TNK2: variants seen among roughly 807,000 people sequenced by gnomAD.
The protein encoded by TNK2 is activated CDC42 kinase 1.
A neutral mutation model predicts 101.8 loss-of-function variants in TNK2; 83 were observed. The observed-to-expected ratio is 0.82, with a 90% CI of 0.68 to 0.98. The LOEUF (loss-of-function observed/expected upper bound fraction) is 0.98, where lower values mean the gene tolerates loss of function less well. Ranked by LOEUF, TNK2 falls within the 50% of genes least tolerant of loss-of-function variation. The probability of loss-of-function intolerance (pLI) is 0.00; values close to 1 mark genes in which losing one functional copy is unlikely to be tolerated. For missense variants in TNK2, 1,665 were observed against 1,483.2 expected (o/e 1.12, Z -2.01); for synonymous variants, 804 against 633.0 (o/e 1.27, Z -4.06).
chr3:195,904,976 T>C (rs1021131875), intron 1 of TNK2, among the ~76,000 whole-genome samples: 1 of 152,186 alleles, frequency 6.6e-6, no homozygotes, highest in Non-Finnish European at 1.5e-5. Flanking sequence ...TTTGTAGAAA[T>C]TGACTAACTA....
Position 195,867,840 on chromosome 3 carries a change from G to A in TNK2, c.2458C>T (p.Pro820Ser). Residue 820 changes from proline to serine, a missense_variant, in exon 13 of 16, where the codon CCC becomes TCC. Pro to Ser is a moderately conservative substitution (Grantham distance 74, BLOSUM62 -1). Coordinates refer to ENST00000672887, the MANE Select transcript of TNK2 (RefSeq NM_001382273.1). The stretch of plus-strand genomic sequence containing the variant: ...TTCCCAGGTGAGCTTGAGAGCCGGG[G>A]TGGCAGCGGGGAGCTGCCAGGTGGT... ...LVPPGSSPLP[P>S]RLSSSPGKTM... is the part of the protein sequence containing the mutation. 2.6e-6 allele frequency: 4 copies of A among 1,536,472 alleles called. No homozygotes were observed. The highest frequency in any genetic ancestry group is 3.5e-6 in the Non-Finnish European group (4 of 1,146,192).
chr3:195,906,942 C>G (rs1348222234), intron 1 of TNK2, among the ~76,000 whole-genome samples: 1 of 152,082 alleles, frequency 6.6e-6, no homozygotes, highest in Non-Finnish European at 1.5e-5. Flanking sequence ...TCTTTACTCA[C>G]GACACTGCAG....
chr3:195,884,458 C>A (rs527399749), intron 4 of TNK2: 2 of 193,700 alleles, frequency 1.0e-5, no homozygotes, highest in Non-Finnish European at 2.1e-5. Flanking sequence ...GCCTGGCCAA[C>A]ATGGTGAAAC....
At chr3:195,892,036 TC>T in intron 1 of TNK2, 1 of 1,043,746 alleles carries the variant, frequency 9.6e-7, no homozygotes, top group African/African-American at 1.7e-5. Flanking sequence ...AGGGTCTCAG[TC>T]CAGGGTGACT....
intron 6 of TNK2, 143 bp from the exon 7 acceptor site, chr3:195,879,318 AG>A: frequency 7.7e-7 from 1 of 1,294,284 alleles, no homozygotes; most frequent in Non-Finnish European, 1.1e-6. Flanking sequence ...CGCCGTGTGA[AG>A]CGGGCAGGAC....
At position 195,863,405 on chromosome 3, in the gene TNK2, A is replaced by G. The variant is rs1738673307; in HGVS notation, c.*776T>C. On this transcript the variant is annotated 3_prime_UTR_variant, in exon 16 of 16. Transcript: ENST00000672887. ...CTAACTTTATTTCTCTGGAAGAAGCAGGTACTGAATGCCGGAGCAGCAACT... is the reference window on the plus strand; with the variant it reads ...CTAACTTTATTTCTCTGGAAGAAGCGGGTACTGAATGCCGGAGCAGCAACT... 1 of 152,762 alleles carries G rather than the reference A, an allele frequency of 6.5e-6. No homozygotes were observed. The highest frequency in any genetic ancestry group is 1.9e-4 in the East Asian group (1 of 5,204). 9.5% of individuals were successfully genotyped at this position (152,762 alleles called of 1,614,324 possible).
rs576227465 is a variant in TNK2 at position 195,907,613 on chromosome 3, C to G, written c.-19+872G>C. Among the ~76,000 whole-genome samples the G allele has an allele frequency of 8.5e-5, 13 of 152,324 alleles. No individual in the cohort carries two copies. In the East Asian group the frequency reaches 2.5e-3, roughly 29 times the overall value. ...CAGCCCGCCAAGCCCCCTGGGGGCACGAGGCGGAATGAGTAGGTCTGGCAC... is the reference window on the plus strand; with the variant it reads ...CAGCCCGCCAAGCCCCCTGGGGGCAGGAGGCGGAATGAGTAGGTCTGGCAC... On this transcript the variant is annotated intron_variant, in intron 1 of 15. Transcript: ENST00000672887.
chr3:195,868,784 G>GAA, intron 12 of TNK2, 75 bp from the exon 13 acceptor site: 1 of 1,453,030 alleles, frequency 6.9e-7, no homozygotes, highest in Non-Finnish European at 9.0e-7. Flanking sequence ...TGGCACGTGG[G>GAA]AGAGAAAGCC....
chr3:195,904,986 A>C (rs1023037361), intron 1 of TNK2, among the ~76,000 whole-genome samples: 2 of 152,222 alleles, frequency 1.3e-5, no homozygotes, highest in African/African-American at 4.8e-5. Context: ...TTGACTAACT[A>C]ATTCTAAAAT....
At chr3:195,908,239 G>C (rs904967360) in intron 1 of TNK2, 8 of 154,000 alleles carry the variant, frequency 5.2e-5, no homozygotes, top group African/African-American at 1.4e-4. Context: ...GCACAGACCT[G>C]GCAGCCACCC....
rs529614594 is a variant in TNK2, at chr3:195,868,007, G to A, written c.2291C>T (p.Pro764Leu). ...VPPRVPIPPRPTRPHVQLSPA... is the reference protein window; with the variant it reads ...VPPRVPIPPRLTRPHVQLSPA... The stretch of plus-strand genomic sequence containing the variant: ...AGACAGCTGGACGTGTGGGCGCGTG[G>A]GCCGAGGGGGGATGGGTACCCGAGG... Residue 764 changes from proline to leucine, a missense_variant, in exon 13 of 16, where the codon CCC (proline) becomes CTC (leucine). Around this residue, in one of 3 missense-constraint regions of TNK2, gnomAD observed 1,136 missense variants for 894.9 expected, o/e 1.27. Coordinates refer to ENST00000672887, the MANE Select transcript of TNK2 (RefSeq NM_001382273.1). The A allele has an allele frequency of 1.1e-5, 18 of 1,573,292 alleles. No individual in the cohort carries two copies. The South Asian group carries it at 1.7e-4, about 15-fold the overall frequency.
At chr3:195,883,020 C>A in intron 5 of TNK2, 137 bp downstream of exon 5, 1 of 1,017,368 alleles carries the variant, frequency 9.8e-7, no homozygotes, top group Non-Finnish European at 1.4e-6. Context: ...CCCCTGTGGA[C>A]CCCTTTACTC....
intron 1 of TNK2, among the ~76,000 whole-genome samples, chr3:195,905,711 A>G (rs1208587528): frequency 2.0e-5 from 3 of 152,210 alleles, no homozygotes; most frequent in African/African-American, 7.2e-5. Flanking sequence ...AATACAGGGG[A>G]AAACTGTTGG....
At chr3:195,899,888 C>T (rs1761029444) in intron 1 of TNK2, among the ~76,000 whole-genome samples, 2 of 152,126 alleles carry the variant, frequency 1.3e-5, no homozygotes, top group East Asian at 1.9e-4. Context: ...CTTCTTCCCC[C>T]GTGAGCTGCT....
intron 2 of TNK2, among the ~76,000 whole-genome samples, chr3:195,887,936 G>A (rs576173434): frequency 1.6e-3 from 219 of 136,282 alleles, no homozygotes; most frequent in Non-Finnish European, 2.1e-3. Flanking sequence ...ACGTGTGTGC[G>A]CATGTGCGTG....
rs768788707 is a variant in TNK2 at position 195,882,056 on chromosome 3, G to A, written c.882C>T (p.Phe294=). The change falls in exon 6 of 16, where the codon TTC becomes TTT. Residue 294 remains phenylalanine (F), a synonymous_variant. Coordinates refer to ENST00000672887, the MANE Select transcript of TNK2 (RefSeq NM_001382273.1). This position sits in a 1 kb window ranked among gnomAD's most constrained non-coding sequence, Gnocchi z 4.2. ...TGGCAGCACCTGCCCCTCACCAGGC[G>A]AAGGGCACCTTGCGATGTTCCTGCA... ...YVMQEHRKVP[F]AWCAPESLKT... 15 of 1,608,080 alleles carry A rather than the reference G, an allele frequency of 9.3e-6. No homozygotes were observed. Among genetic ancestry groups the A allele is most frequent in the Middle Eastern group, 1.6e-4 (1 of 6,064 alleles).
chr3:195,869,911 C>A (rs1434913916), intron 11 of TNK2: 1 of 561,446 alleles, frequency 1.8e-6, no homozygotes, highest in African/African-American at 1.9e-5. Flanking sequence ...CAGACCCAGC[C>A]CGAGGAGGCC....
rs759937814 is a variant in TNK2 at position 195,895,432 on chromosome 3, G to A, written c.-18-6826C>T. 1.2e-5 allele frequency: 18 copies of A among 1,481,470 alleles called. No homozygotes were observed. The South Asian group carries it at 2.2e-4, about 18-fold the overall frequency. 91.8% of individuals were successfully genotyped at this position (1,481,470 alleles called of 1,614,324 possible). A position where few individuals can be genotyped will look rare whatever the true frequency, so the allele number is the denominator to read the frequency against. On this transcript the variant is annotated intron_variant, in intron 1 of 15. Transcript: ENST00000672887. Reference sequence around the variant, plus strand: ...CCTCGAGCATCCTCCAGAAGTGCAGGGCCGCTACTGCGTCTCAGCCCCCAT... The same window carrying A: ...CCTCGAGCATCCTCCAGAAGTGCAGAGCCGCTACTGCGTCTCAGCCCCCAT...
intron 12 of TNK2, chr3:195,869,140 G>A: frequency 1.9e-6 from 1 of 520,026 alleles, no homozygotes. Context: ...TATCCTTGGA[G>A]AGGACAGTAC....
Sources: allele counts gnomAD v4.1 joint callset (sites outside exome capture counted in the v4.1 genomes callset), GRCh38; gene constraint gnomAD v4.1.1; regional missense constraint gnomAD v4.1.1; non-coding constraint Gnocchi (gnomAD v3.1); transcripts MANE v1.5; gene names NCBI Gene and HGNC (gene_info 2026-07-23, HGNC 2026-07-21).